DOCK1: variants seen among roughly 807,000 people sequenced by gnomAD.
The protein encoded by DOCK1 is dedicator of cytokinesis protein 1.
A neutral mutation model predicts 262.7 loss-of-function variants in DOCK1; 138 were observed. The ratio of observed to expected loss-of-function variants is 0.53; its 90% CI spans 0.46 to 0.61. The LOEUF (loss-of-function observed/expected upper bound fraction) is 0.61, where lower values mean the gene tolerates loss of function less well. Among genes scored for constraint, DOCK1 ranks in the 20% least tolerant of loss-of-function variants. The pLI is 0.00. For missense variants in DOCK1, 1,908 were observed against 2,370.7 expected (o/e 0.80, Z 4.05); for synonymous variants, 866 against 867.4 (o/e 1.00, Z 0.03).
chr10:127,060,929 G>A (rs947394196), intron 22 of DOCK1, among the ~76,000 whole-genome samples: 2 of 152,124 alleles, frequency 1.3e-5, no homozygotes, highest in African/African-American at 4.8e-5. Context: ...TGACATAATG[G>A]GTTTAAAAAC....
At chr10:127,390,271 A>G (rs1031182391) in intron 38 of DOCK1, among the ~76,000 whole-genome samples, 2 of 152,150 alleles carry the variant, frequency 1.3e-5, no homozygotes, top group African/African-American at 2.4e-5. Flanking sequence ...GTAGGACTCT[A>G]ACCCTCACTG....
chr10:126,973,720 C>T (rs1372904671), intron 2 of DOCK1, among the ~76,000 whole-genome samples: 1 of 152,108 alleles, frequency 6.6e-6, no homozygotes, highest in Non-Finnish European at 1.5e-5. Context: ...GACTTTTTGT[C>T]ATTAAATAAA....
At chr10:127,255,726 T>G (rs1156424374) in intron 28 of DOCK1, among the ~76,000 whole-genome samples, 2 of 152,224 alleles carry the variant, frequency 1.3e-5, no homozygotes, top group African/African-American at 4.8e-5. Flanking sequence ...TGGGAAAATA[T>G]GCTTCTCTTC....
chr10:126,917,219 C>T lies in DOCK1; in HGVS notation c.46+11656C>T, dbSNP rs112277732. Among the ~76,000 whole-genome samples the T allele has an allele frequency of 5.8e-3, 884 of 152,296 alleles. 9 individuals carry two copies. Among genetic ancestry groups the T allele is most frequent in the African/African-American group, 0.02 (846 of 41,560 alleles). On this transcript the variant is annotated intron_variant, in intron 1 of 51. Transcript: ENST00000623213. ...CATTCACAGCACGAGGGAAGCCATC[C>T]GTAATTAGCTCCTCTCCGCTCAGGT... is the stretch of plus-strand genomic sequence containing the variant.
chr10:127,050,124 T>C (rs2044621513), intron 21 of DOCK1, among the ~76,000 whole-genome samples: 1 of 151,792 alleles, frequency 6.6e-6, no homozygotes, highest in Non-Finnish European at 1.5e-5. Context: ...TTTTTACTAG[T>C]CAGATCATGC....
At chr10:127,091,748 GCTGA>G (rs1181215661) in intron 23 of DOCK1, among the ~76,000 whole-genome samples, 7 of 152,300 alleles carry the variant, frequency 4.6e-5, no homozygotes, top group African/African-American at 9.6e-5. Context: ...AGCAAAATCA[GCTGA>G]CTAAGTCGTA....
intron 29 of DOCK1, among the ~76,000 whole-genome samples, chr10:127,308,860 A>C (rs531977471): frequency 6.6e-6 from 1 of 152,074 alleles, no homozygotes; most frequent in Admixed American, 6.5e-5. Context: ...GGTTGGTTCC[A>C]TGTCTTTGCT....
intron 18 of DOCK1, among the ~76,000 whole-genome samples, chr10:127,034,774 T>C (rs2043479253): frequency 6.6e-6 from 1 of 152,202 alleles, no homozygotes; most frequent in African/African-American, 2.4e-5. Context: ...CTTAACTTGC[T>C]CATCTTTCCC....
In DOCK1 at chr10:126,964,393, G is replaced by A. The variant is rs910272401; in HGVS notation, c.47-6309G>A. Among the ~76,000 whole-genome samples the A allele has an allele frequency of 6.0e-3, 909 of 152,326 alleles. 12 individuals carry two copies. Among genetic ancestry groups the A allele is most frequent in the African/African-American group, 0.02 (843 of 41,568 alleles). On this transcript the variant is annotated intron_variant, in intron 1 of 51. Coordinates refer to ENST00000623213, the MANE Select transcript of DOCK1 (RefSeq NM_001290223.2). The stretch of plus-strand genomic sequence containing the variant: ...AGGTACCTGCATGGACCAGGCAAAC[G>A]TGTAGGGTGTGTGAAGTTCGAGACC...
At chr10:127,075,629 A>C (rs1420223938) in intron 23 of DOCK1, among the ~76,000 whole-genome samples, 1 of 152,198 alleles carries the variant, frequency 6.6e-6, no homozygotes, top group East Asian at 1.9e-4. Context: ...ACGAAGGGGA[A>C]GCAAGGACCT....
At chr10:127,130,817 TGTATGCTGTCA>T (rs1402245789) in intron 27 of DOCK1, among the ~76,000 whole-genome samples, 1 of 152,180 alleles carries the variant, frequency 6.6e-6, no homozygotes, top group East Asian at 1.9e-4. Context: ...TTGGTTCCCA[TGTATGCTGTCA>T]GTCCCTTCTA....
chr10:127,099,651 T>C (rs1371345037), intron 23 of DOCK1, among the ~76,000 whole-genome samples: 2 of 152,082 alleles, frequency 1.3e-5, no homozygotes, highest in Admixed American at 6.6e-5. Context: ...CGTGAACTAA[T>C]AGAGCGGGAA....
At chr10:126,936,075 G>A (rs2034540278) in intron 1 of DOCK1, among the ~76,000 whole-genome samples, 1 of 152,154 alleles carries the variant, frequency 6.6e-6, no homozygotes, top group Admixed American at 6.5e-5. Context: ...TGAACTCCTA[G>A]GCTCAAGTGA....
intron 33 of DOCK1, among the ~76,000 whole-genome samples, chr10:127,366,676 T>C (rs1349359699): frequency 2.6e-5 from 4 of 151,984 alleles, no homozygotes; most frequent in Non-Finnish European, 5.9e-5. Flanking sequence ...TTGTCGGTGA[T>C]GTGGGCGAAT....
rs542791601 is a variant in DOCK1 at position 127,284,644 on chromosome 10, T to C, written c.3044+27215T>C. Among the ~76,000 whole-genome samples, 6 of 152,312 alleles carry C rather than the reference T, an allele frequency of 3.9e-5. No homozygotes were observed. In the East Asian group the frequency reaches 1.2e-3, roughly 29 times the overall value. ...GCTCATGCCTGTAATCCCAACACTTTGGAAAGCCAGAGTGGGAAGATCACT... is the reference window on the plus strand; with the variant it reads ...GCTCATGCCTGTAATCCCAACACTTCGGAAAGCCAGAGTGGGAAGATCACT... On this transcript the variant is annotated intron_variant, in intron 29 of 51. Transcript: ENST00000623213.
chr10:127,170,075 A>G (rs924606864), intron 27 of DOCK1, among the ~76,000 whole-genome samples: 2 of 151,568 alleles, frequency 1.3e-5, no homozygotes, highest in Non-Finnish European at 1.5e-5. Flanking sequence ...CCCTTTCTCA[A>G]TGAGGATGAA....
intron 23 of DOCK1, among the ~76,000 whole-genome samples, chr10:127,088,727 T>G (rs955893677): frequency 6.6e-6 from 1 of 150,722 alleles, no homozygotes; most frequent in African/African-American, 2.5e-5. Context: ...TTTAATTGTA[T>G]TGCACTTCAG....
intron 7 of DOCK1, 77 bp downstream of exon 7, chr10:126,996,960 C>T: frequency 1.4e-6 from 2 of 1,432,494 alleles, no homozygotes; most frequent in Non-Finnish European, 9.2e-7. Context: ...ATCAGTCAAG[C>T]CCAAAATTGT....
At chr10:127,190,256 C>G (rs937632306) in intron 27 of DOCK1, among the ~76,000 whole-genome samples, 1 of 152,122 alleles carries the variant, frequency 6.6e-6, no homozygotes, top group Non-Finnish European at 1.5e-5. Flanking sequence ...GTGCTTTTTT[C>G]TTTTCTAAAC....
Sources: gnomAD v4.1 joint callset for allele counts (sites outside exome capture counted in the v4.1 genomes callset) on GRCh38, gnomAD v4.1.1 for gene constraint, MANE v1.5 for transcripts, NCBI Gene and HGNC (gene_info 2026-07-23, HGNC 2026-07-21) for gene names.